The following ADCY3 variants were observed in gnomAD, a reference collection of about 807,000 sequenced individuals.
ADCY3 encodes adenylate cyclase 3.
In ADCY3, 70 loss-of-function variants were observed where a neutral mutation model predicts 119.4. That is an observed-to-expected ratio of 0.59 (90% CI 0.48 to 0.72). The LOEUF is 0.72. ADCY3 is among the 30% of genes least tolerant of loss of function. The pLI, the probability that ADCY3 is intolerant of heterozygous loss-of-function variation, is 0.00. For synonymous variants in ADCY3, 672 were observed against 621.4 expected, an observed-to-expected ratio of 1.08 and a Z score of -1.21; for missense variants, 1,238 against 1,541.6, an observed-to-expected ratio of 0.80 and a Z score of 3.30.
intron 2 of ADCY3, among the ~76,000 whole-genome samples, chr2:24,889,421 C>A (rs1404152547): frequency 6.6e-6 from 1 of 152,200 alleles, no homozygotes; most frequent in African/African-American, 2.4e-5. Flanking sequence ...GGGCATCACA[C>A]ACAAATATGC....
Position 24,823,244 on chromosome 2 carries a change from G to A in ADCY3, c.2848C>T (p.Arg950Cys), listed in dbSNP as rs2148371261. 2.5e-6 allele frequency: 4 copies of A among 1,613,238 alleles called. No homozygotes were observed. The highest frequency in any genetic ancestry group is 2.5e-6 in the Non-Finnish European group (3 of 1,179,858). The change falls in exon 18 of 22, where the codon CGT (arginine) becomes TGT (cysteine). Residue 950 changes from arginine to cysteine, a missense_variant. Arg to Cys is a radical substitution (Grantham distance 180). Transcript: ENST00000679454. Reference protein sequence around the residue: ...SINNGGIECLRFLNEIISDFD... With the variant: ...SINNGGIECLCFLNEIISDFD... ...TCTGAGATGATTTCATTGAGGAAAC[G>A]CAGACACTCAATACCACCATTGTTG... is the stretch of plus-strand genomic sequence containing the variant.
At chr2:24,913,672 T>C (rs569247459) in intron 2 of ADCY3, among the ~76,000 whole-genome samples, 1 of 152,340 alleles carries the variant, frequency 6.6e-6, no homozygotes, top group East Asian at 1.9e-4. Flanking sequence ...AGGGTGTCTC[T>C]GGAAGCCTCA....
In ADCY3 at chr2:24,822,635, G is replaced by C; in HGVS notation, c.2884-5C>G. On this transcript the variant is annotated splice_polypyrimidine_tract_variant and splice_region_variant and intron_variant, in intron 18 of 21. Coordinates refer to ENST00000679454, the MANE Select transcript of ADCY3 (RefSeq NM_004036.5). ...GAACTTGGGATTGTCCAGGAGCTGA[G>C]GCCAGGATTCAGGAAAGAATTGTCA... 6.2e-7 allele frequency: 1 copy of C among 1,613,552 alleles called. No homozygotes were observed. The highest frequency in any genetic ancestry group is 8.5e-7 in the Non-Finnish European group (1 of 1,179,568).
intron 2 of ADCY3, among the ~76,000 whole-genome samples, chr2:24,894,863 G>A (rs1453856771): frequency 6.6e-6 from 1 of 151,914 alleles, no homozygotes; most frequent in Non-Finnish European, 1.5e-5. Context: ...CATTTTTGAA[G>A]GATATTTGTG....
chr2:24,843,389 C>A (rs1221403910), intron 3 of ADCY3, among the ~76,000 whole-genome samples: 1 of 152,194 alleles, frequency 6.6e-6, no homozygotes, highest in Non-Finnish European at 1.5e-5. Flanking sequence ...TGCATCACCA[C>A]ACCCAGCTAA....
At chr2:24,820,336 A>T in intron 21 of ADCY3, 3 of 1,324,230 alleles carry the variant, frequency 2.3e-6, no homozygotes, top group Non-Finnish European at 2.9e-6. Flanking sequence ...TCATCCAGAG[A>T]CTTCTCTCCT....
At chr2:24,867,486 C>G (rs1243145028) in intron 3 of ADCY3, among the ~76,000 whole-genome samples, 2 of 152,218 alleles carry the variant, frequency 1.3e-5, no homozygotes, top group Admixed American at 6.5e-5. Flanking sequence ...GACACCAGAG[C>G]AAATGCTGGT....
intron 2 of ADCY3, among the ~76,000 whole-genome samples, chr2:24,901,815 C>T (rs902895805): frequency 6.6e-6 from 1 of 150,716 alleles, no homozygotes; most frequent in Admixed American, 6.6e-5. Flanking sequence ...AAGAAAAAGG[C>T]CACAAGGAAT....
At chr2:24,820,215 G>T in intron 21 of ADCY3, 101 bp from the exon 22 acceptor site, 1 of 1,236,206 alleles carries the variant, frequency 8.1e-7, no homozygotes, top group Non-Finnish European at 1.1e-6. Flanking sequence ...TGATCCATGG[G>T]TCCCAAGCAG....
chr2:24,882,188 C>T (rs896572689), intron 2 of ADCY3, among the ~76,000 whole-genome samples: 1 of 152,182 alleles, frequency 6.6e-6, no homozygotes, highest in South Asian at 2.1e-4. Context: ...TCAATGCACC[C>T]ACCCAGAAGG....
At chr2:24,906,833 T>TA (rs1266973872) in intron 2 of ADCY3, among the ~76,000 whole-genome samples, 1 of 152,176 alleles carries the variant, frequency 6.6e-6, no homozygotes, top group East Asian at 1.9e-4. Flanking sequence ...ATCTGTCTTA[T>TA]AAGAATCAGG....
At chr2:24,891,994 A>G (rs1169395010) in intron 2 of ADCY3, among the ~76,000 whole-genome samples, 2 of 152,214 alleles carry the variant, frequency 1.3e-5, no homozygotes, top group African/African-American at 4.8e-5. Context: ...ATAAGGGGGA[A>G]CTACTGTATA....
At chr2:24,827,828 C>T (rs1045815907) in intron 14 of ADCY3, 74 bp downstream of exon 14, 25 of 1,592,548 alleles carry the variant, frequency 1.6e-5, no homozygotes, top group Admixed American at 3.4e-5. Context: ...AGCACAGGCC[C>T]ATGAGCTTGA....
intron 17 of ADCY3, 109 bp downstream of exon 17, chr2:24,824,269 C>A: frequency 7.1e-7 from 1 of 1,417,232 alleles, no homozygotes; most frequent in Admixed American, 2.3e-5. Context: ...CTACCTAGGC[C>A]CCAGTCCCCT....
intron 15 of ADCY3, 47 bp downstream of exon 15, chr2:24,827,496 TAGA>T (rs766756310): frequency 3.8e-5 from 59 of 1,549,832 alleles, no homozygotes; most frequent in African/African-American, 5.5e-5. Flanking sequence ...TTCCTGTCTC[TAGA>T]AGAAGGGCTG....
chr2:24,830,412 C>T (rs1318083720), intron 13 of ADCY3, among the ~76,000 whole-genome samples: 4 of 152,200 alleles, frequency 2.6e-5, no homozygotes, highest in Admixed American at 6.5e-5. Flanking sequence ...GACTTTTTCA[C>T]AGATTAAATG....
At chr2:24,865,397 G>C (rs1293461331) in intron 3 of ADCY3, among the ~76,000 whole-genome samples, 2 of 151,884 alleles carry the variant, frequency 1.3e-5, no homozygotes, top group African/African-American at 4.8e-5. Context: ...AGTCGAAATT[G>C]TACCACTGCA....
In ADCY3 at chr2:24,842,195, A is replaced by G; in HGVS notation, c.956+59T>C. ...CCCACAGCACCTAGCGGGTCCCACA[A>G]AGATGCAGCCCTCCACAGCCTGCTC... is the stretch of plus-strand genomic sequence containing the variant. On this transcript the variant is annotated intron_variant, in intron 4 of 21. Coordinates refer to ENST00000679454, the MANE Select transcript of ADCY3 (RefSeq NM_004036.5). This position sits in a 1 kb window ranked among gnomAD's most constrained non-coding sequence, Gnocchi z 4.9. 9.3e-6 allele frequency: 15 copies of G among 1,608,014 alleles called. No homozygotes were observed. The highest frequency in any genetic ancestry group is 1.2e-5 in the Non-Finnish European group (14 of 1,177,818).
chr2:24,822,571 A>G lies in ADCY3; in HGVS notation c.2943T>C (p.Tyr981=). 5.0e-6 allele frequency: 8 copies of G among 1,614,054 alleles called. No homozygotes were observed. The highest frequency in any genetic ancestry group is 6.8e-6 in the Non-Finnish European group (8 of 1,180,006). ...ITKIKTIGST[Y]MAASGVTPDV... Reference sequence around the variant, plus strand: ...CGGGGGTGACTCCTGAAGCCGCCATATACGTGCTGCCAATGGTTTTGATCT... The same window carrying G: ...CGGGGGTGACTCCTGAAGCCGCCATGTACGTGCTGCCAATGGTTTTGATCT... The change falls in exon 19 of 22, where the codon TAT becomes TAC. Residue 981 remains tyrosine, a synonymous_variant. Transcript: ENST00000679454.
Sources: allele counts gnomAD v4.1 joint callset (sites outside exome capture counted in the v4.1 genomes callset), GRCh38; gene constraint gnomAD v4.1.1; non-coding constraint Gnocchi (gnomAD v3.1); transcripts MANE v1.5; gene names NCBI Gene and HGNC (gene_info 2026-07-23, HGNC 2026-07-21).